Variants in RNF38 observed in about 807,000 individuals in gnomAD.
The protein encoded by RNF38 is E3 ubiquitin-protein ligase RNF38.
In RNF38, 15 loss-of-function variants were observed where a neutral mutation model predicts 67.2. The observed-to-expected ratio is 0.22, with a 90% CI of 0.15 to 0.34. The LOEUF (loss-of-function observed/expected upper bound fraction) is 0.34, where lower values mean the gene tolerates loss of function less well. Among genes scored for constraint, RNF38 ranks in the 10% least tolerant of loss-of-function variants. The pLI is 1.00. For synonymous variants in RNF38, 220 were observed against 218.8 expected, an observed-to-expected ratio of 1.01 and a Z score of -0.05; for missense variants, 524 against 639.9, an observed-to-expected ratio of 0.82 and a Z score of 1.95.
At chr9:36,480,665 C>T (rs1271397662) in intron 1 of RNF38, among the ~76,000 whole-genome samples, 1 of 149,114 alleles carries the variant, frequency 6.7e-6, no homozygotes, top group Non-Finnish European at 1.5e-5. Flanking sequence ...GATTCTCGTG[C>T]CTCAGCCTCT....
At chr9:36,362,759 G>A (rs747232660) in intron 4 of RNF38, among the ~76,000 whole-genome samples, 1 of 151,880 alleles carries the variant, frequency 6.6e-6, no homozygotes, top group Non-Finnish European at 1.5e-5. Flanking sequence ...TCAGCCTTCC[G>A]AGTAGCTGGG....
At chr9:36,467,764 T>A (rs1839898989) in intron 1 of RNF38, among the ~76,000 whole-genome samples, 1 of 152,192 alleles carries the variant, frequency 6.6e-6, no homozygotes, top group Non-Finnish European at 1.5e-5. Context: ...TGTTACCACC[T>A]CTGGGATTAT....
At chr9:36,474,986 A>T (rs529462187) in intron 1 of RNF38, among the ~76,000 whole-genome samples, 5 of 146,470 alleles carry the variant, frequency 3.4e-5, no homozygotes, top group African/African-American at 1.3e-4. Context: ...TACTAAAAAT[A>T]AAAAAATTAG....
intron 3 of RNF38, among the ~76,000 whole-genome samples, chr9:36,374,892 G>C (rs1170294559): frequency 7.9e-5 from 12 of 152,094 alleles, no homozygotes; most frequent in Non-Finnish European, 1.3e-4. Flanking sequence ...CCACACTGAG[G>C]GTTACAGGAA....
chr9:36,414,850 A>G (rs1383768802), intron 2 of RNF38, among the ~76,000 whole-genome samples: 2 of 152,178 alleles, frequency 1.3e-5, no homozygotes, highest in South Asian at 2.1e-4. Flanking sequence ...GTGGCTGGTA[A>G]TTGTTTTGTT....
chr9:36,358,793 G>A (rs1834310777), intron 4 of RNF38, among the ~76,000 whole-genome samples: 1 of 152,112 alleles, frequency 6.6e-6, no homozygotes, highest in African/African-American at 2.4e-5. Context: ...GCAGATCGCT[G>A]GAGGTCAGGA....
intron 1 of RNF38, among the ~76,000 whole-genome samples, chr9:36,425,829 C>T (rs1838755205): frequency 6.6e-6 from 1 of 152,210 alleles, no homozygotes; most frequent in Non-Finnish European, 1.5e-5. Flanking sequence ...TCCTGAGTAG[C>T]TGGGATCACA....
intron 1 of RNF38, among the ~76,000 whole-genome samples, chr9:36,476,912 G>C (rs561076997): frequency 6.6e-6 from 1 of 152,228 alleles, no homozygotes; most frequent in East Asian, 1.9e-4. Context: ...AGTAGCCATA[G>C]GTTTCCATGG....
chr9:36,397,097 ATGTTT>A (rs1337315327), intron 1 of RNF38, among the ~76,000 whole-genome samples: 2 of 131,598 alleles, frequency 1.5e-5, no homozygotes, highest in Non-Finnish European at 3.2e-5. Context: ...ATATATATAT[ATGTTT>A]TGTTTTTTTT....
intron 1 of RNF38, among the ~76,000 whole-genome samples, chr9:36,433,472 G>A (rs1186760411): frequency 6.6e-6 from 1 of 151,934 alleles, no homozygotes; most frequent in Non-Finnish European, 1.5e-5. Flanking sequence ...CAGGCACAGT[G>A]CTCATGCCTA....
At chr9:36,471,770 T>G (rs1037544564) in intron 1 of RNF38, among the ~76,000 whole-genome samples, 46 of 152,358 alleles carry the variant, frequency 3.0e-4, no homozygotes, top group East Asian at 2.5e-3. Context: ...TTTACTTTAC[T>G]TCTTTTTAGA....
intron 6 of RNF38, among the ~76,000 whole-genome samples, chr9:36,355,769 G>A (rs1397798070): frequency 1.3e-5 from 2 of 152,016 alleles, no homozygotes; most frequent in Non-Finnish European, 2.9e-5. Context: ...GAAATTTAAG[G>A]TAAACGTTTA....
intron 4 of RNF38, among the ~76,000 whole-genome samples, chr9:36,364,109 C>G (rs1057113585): frequency 7.3e-5 from 11 of 150,314 alleles, no homozygotes; most frequent in Non-Finnish European, 1.3e-4. Flanking sequence ...GGATTACAGG[C>G]ATGAGCCACC....
chr9:36,445,157 C>G (rs964189353), intron 1 of RNF38, among the ~76,000 whole-genome samples: 3 of 152,066 alleles, frequency 2.0e-5, no homozygotes, highest in Admixed American at 2.0e-4. Context: ...TCTAGAATGA[C>G]AGAGAAGGTA....
At chr9:36,346,565 G>A (rs886333833) in intron 9 of RNF38, among the ~76,000 whole-genome samples, 16 of 152,164 alleles carry the variant, frequency 1.1e-4, no homozygotes, top group African/African-American at 3.6e-4. Flanking sequence ...GGTTTATCTC[G>A]CAATTAGTCT....
At chr9:36,413,201 G>C (rs1838373713) in intron 2 of RNF38, among the ~76,000 whole-genome samples, 1 of 151,080 alleles carries the variant, frequency 6.6e-6, no homozygotes, top group Admixed American at 6.6e-5. Flanking sequence ...TTGCACTCCA[G>C]CCTGGGCAAC....
At chr9:36,395,015 A>G (rs769178416) in intron 1 of RNF38, among the ~76,000 whole-genome samples, 8 of 152,236 alleles carry the variant, frequency 5.3e-5, no homozygotes, top group Non-Finnish European at 8.8e-5. Flanking sequence ...CCCAAAACTT[A>G]TCATGTTTAA....
intron 1 of RNF38, among the ~76,000 whole-genome samples, chr9:36,448,393 G>C (rs1309018744): frequency 2.0e-5 from 3 of 152,108 alleles, no homozygotes; most frequent in Admixed American, 2.0e-4. Context: ...TTATCATCAG[G>C]AAAAAGAAAA....
chr9:36,443,394 G>A (rs1401051519), intron 1 of RNF38, among the ~76,000 whole-genome samples: 1 of 152,134 alleles, frequency 6.6e-6, no homozygotes, highest in Admixed American at 6.6e-5. Flanking sequence ...TTCACACGAA[G>A]ATATTAAAGC....
Sources: allele counts gnomAD v4.1 joint callset (sites outside exome capture counted in the v4.1 genomes callset), GRCh38; gene constraint gnomAD v4.1.1; transcripts MANE v1.5; gene names NCBI Gene and HGNC (gene_info 2026-07-23, HGNC 2026-07-21).